Variants in NRCAM observed in about 807,000 individuals in gnomAD.
NRCAM encodes neuronal cell adhesion molecule.
Under a neutral mutation model 156.5 loss-of-function variants are expected in NRCAM, and 83 were observed. That is an observed-to-expected ratio of 0.53 (90% CI 0.44 to 0.64). The LOEUF is 0.64. Ranked by LOEUF, NRCAM falls within the 30% of genes least tolerant of loss-of-function variation. The pLI is 0.00. For missense variants in NRCAM, 1,417 were observed against 1,597.3 expected (o/e 0.89, Z 1.92); for synonymous variants, 538 against 563.9 (o/e 0.95, Z 0.65).
intron 2 of NRCAM, among the ~76,000 whole-genome samples, chr7:108,333,556 A>C (rs539300896): frequency 2.6e-5 from 4 of 152,308 alleles, no homozygotes; most frequent in African/African-American, 9.6e-5. Context: ...ACCTGTTCTT[A>C]GAAAAAAATT....
rs1371284785 is a variant in NRCAM, at chr7:108,399,610, G to C, written c.-331-17C>G. Reference sequence around the variant, plus strand: ...CAAAGATTCCTGAAAAAGAAAAAAAGTAACACAGGACAATGTAAATTGTTT... The same window carrying C: ...CAAAGATTCCTGAAAAAGAAAAAAACTAACACAGGACAATGTAAATTGTTT... On this transcript the variant is annotated splice_polypyrimidine_tract_variant and intron_variant, in intron 1 of 32. Transcript: ENST00000379028. 6.6e-6 allele frequency: 1 copy of C among 152,310 alleles called. No individual in the cohort carries two copies. Among genetic ancestry groups the C allele is most frequent in the African/African-American group, 2.4e-5 (1 of 41,586 alleles). 9.4% of individuals were successfully genotyped at this position (152,310 alleles called of 1,614,324 possible).
Position 108,160,571 on chromosome 7 carries a change from T to A in NRCAM, c.3467-79A>T, listed in dbSNP as rs10239955. 681 of 1,346,632 alleles carry A rather than the reference T, an allele frequency of 5.1e-4. 2 individuals are homozygous for A. The African/African-American group carries it at 9.3e-3, about 18-fold the overall frequency. The allele number at this position is 1,346,632 out of a possible 1,614,324, so 83.4% of individuals were successfully genotyped here. On this transcript the variant is annotated intron_variant, in intron 30 of 32. Coordinates refer to ENST00000379028, the MANE Select transcript of NRCAM (RefSeq NM_001037132.4). ...TGCTGCAGTCTCTCAGAGTAAAAAA[T>A]TGCCACGTTATGTGAGCTTTCATAT...
intron 2 of NRCAM, among the ~76,000 whole-genome samples, chr7:108,361,777 GTACGTATA>G (rs1474051906): frequency 1.3e-5 from 2 of 152,086 alleles, no homozygotes; most frequent in African/African-American, 4.8e-5. Context: ...ATATGTAAAT[GTACGTATA>G]TATGTATATG....
chr7:108,160,469 T>C lies in NRCAM; in HGVS notation c.3490A>G (p.Ile1164Val). 3 of 1,613,376 alleles carry C rather than the reference T, an allele frequency of 1.9e-6. No homozygotes were observed. The highest frequency in any genetic ancestry group is 2.5e-6 in the Non-Finnish European group (3 of 1,179,634). The change falls in exon 31 of 33, where the codon ATT (isoleucine) becomes GTT (valine). Residue 1164 changes from isoleucine to valine, a missense_variant. Physicochemically the swap from Ile to Val is conservative, Grantham distance 29. Coordinates refer to ENST00000379028, the MANE Select transcript of NRCAM (RefSeq NM_001037132.4). ...CCAATGAACCAGCCCTGAGTTGCAA[T>C]ATCCACCTGCCGGCTTGCCATCGCT... ...GPAMASRQVD[I>V]ATQGWFIGLM...
chr7:108,234,215 C>T (rs573842285), intron 6 of NRCAM, among the ~76,000 whole-genome samples: 5 of 152,248 alleles, frequency 3.3e-5, no homozygotes, highest in African/African-American at 1.2e-4. Context: ...AGGCTCTTTC[C>T]ATAACTCCTC....
intron 3 of NRCAM, 33 bp downstream of exon 3, chr7:108,312,632 G>A (rs775072936): frequency 2.0e-5 from 3 of 151,924 alleles, no homozygotes; most frequent in Non-Finnish European, 2.9e-5. Context: ...CTTTAACTAC[G>A]AATTCAAATG....
intron 1 of NRCAM, among the ~76,000 whole-genome samples, chr7:108,407,786 G>C (rs1044201741): frequency 3.3e-5 from 5 of 152,206 alleles, no homozygotes; most frequent in Admixed American, 6.5e-5. Flanking sequence ...TGATTGTGTT[G>C]ATGGTTTCAC....
At chr7:108,264,213 T>C (rs528867723) in intron 3 of NRCAM, among the ~76,000 whole-genome samples, 1 of 152,330 alleles carries the variant, frequency 6.6e-6, no homozygotes, top group South Asian at 2.1e-4. Flanking sequence ...TGACCTCAAA[T>C]GATCTGCCCG....
At chr7:108,180,154 T>C in intron 25 of NRCAM, 69 bp downstream of exon 25, 5 of 1,386,658 alleles carry the variant, frequency 3.6e-6, no homozygotes, top group Non-Finnish European at 5.1e-6. Flanking sequence ...CAGTAGCCCT[T>C]CTGTCAGGCA....
At chr7:108,448,195 A>G (rs1286405465) in intron 1 of NRCAM, among the ~76,000 whole-genome samples, 1 of 152,252 alleles carries the variant, frequency 6.6e-6, no homozygotes, top group Non-Finnish European at 1.5e-5. Context: ...GGTATATATC[A>G]TGATTCATGT....
In NRCAM at chr7:108,383,258, G is replaced by GGGA. The variant is rs1286241113; in HGVS notation, c.-174+16175_-174+16177dup. On this transcript the variant is annotated intron_variant, in intron 2 of 32. Coordinates refer to ENST00000379028, the MANE Select transcript of NRCAM (RefSeq NM_001037132.4). ...ATCCAAACATATTAAAGTGAGAATTGGGAGTTATTTTCACTTCAGATTTCA... is the reference window on the plus strand; with the variant it reads ...ATCCAAACATATTAAAGTGAGAATTGGGAGGAGTTATTTTCACTTCAGATTTCA... Among the ~76,000 whole-genome samples the GGGA allele has an allele frequency of 3.9e-5, 6 of 152,232 alleles. 1 individual carries two copies. The highest frequency in any genetic ancestry group is 1.3e-4 in the Admixed American group (2 of 15,292).
chr7:108,187,062 T>A (rs1383174948), intron 20 of NRCAM, among the ~76,000 whole-genome samples: 2 of 152,138 alleles, frequency 1.3e-5, no homozygotes, highest in African/African-American at 4.8e-5. Flanking sequence ...ACCCTGTGAA[T>A]TCACTGAAGT....
chr7:108,231,896 T>C (rs1166705091), intron 7 of NRCAM, among the ~76,000 whole-genome samples: 3 of 152,160 alleles, frequency 2.0e-5, no homozygotes, highest in East Asian at 3.8e-4. Context: ...GCCTTAATAA[T>C]ATCAAGGTAG....
intron 1 of NRCAM, among the ~76,000 whole-genome samples, chr7:108,438,016 T>C (rs1224326436): frequency 6.8e-6 from 1 of 147,506 alleles, no homozygotes. Context: ...AAAATCCAAA[T>C]AGGCCTATAA....
intron 2 of NRCAM, among the ~76,000 whole-genome samples, chr7:108,352,761 T>C (rs574685932): frequency 6.2e-4 from 94 of 152,296 alleles, no homozygotes; most frequent in African/African-American, 2.2e-3. Flanking sequence ...CTCATTTCAG[T>C]CAATAGCATG....
chr7:108,348,613 T>C (rs951721856), intron 2 of NRCAM, among the ~76,000 whole-genome samples: 1 of 152,084 alleles, frequency 6.6e-6, no homozygotes, highest in Admixed American at 6.6e-5. Flanking sequence ...AGGCAGAGTT[T>C]GCAGAAAATA....
chr7:108,340,715 C>G (rs1286646984), intron 2 of NRCAM, among the ~76,000 whole-genome samples: 1 of 152,192 alleles, frequency 6.6e-6, no homozygotes, highest in Non-Finnish European at 1.5e-5. Context: ...ATGATGTCCA[C>G]TATAACACAG....
At chr7:108,195,630 T>A (rs2074598863) in intron 15 of NRCAM, 131 bp downstream of exon 15, 6 of 596,612 alleles carry the variant, frequency 1.0e-5, no homozygotes, top group East Asian at 5.7e-5. Flanking sequence ...GAAAAAAAAA[T>A]ATATTAACAG....
At chr7:108,363,752 C>A (rs147571531) in intron 2 of NRCAM, among the ~76,000 whole-genome samples, 1 of 152,252 alleles carries the variant, frequency 6.6e-6, no homozygotes, top group Non-Finnish European at 1.5e-5. Context: ...AGCACTCTAC[C>A]TCTGTGGCCT....
Sources: allele counts gnomAD v4.1 joint callset (sites outside exome capture counted in the v4.1 genomes callset), GRCh38; gene constraint gnomAD v4.1.1; transcripts MANE v1.5; gene names NCBI Gene and HGNC (gene_info 2026-07-23, HGNC 2026-07-21).